Variants in CNTNAP4 observed in about 807,000 individuals in gnomAD.
The protein encoded by CNTNAP4 is contactin-associated protein-like 4.
In CNTNAP4, 98 loss-of-function variants were observed where a neutral mutation model predicts 148.4. The ratio of observed to expected loss-of-function variants is 0.66; its 90% CI spans 0.56 to 0.78. The LOEUF (loss-of-function observed/expected upper bound fraction) is 0.78. Among genes scored for constraint, CNTNAP4 ranks in the 30% least tolerant of loss-of-function variants. CNTNAP4 has a pLI of 0.00. For synonymous variants in CNTNAP4, 730 were observed against 565.1 expected (o/e 1.29, Z -4.14); for missense variants, 1,935 against 1,565.6 (o/e 1.24, Z -3.98).
intron 4 of CNTNAP4, among the ~76,000 whole-genome samples, chr16:76,443,545 T>G (rs2080123469): frequency 1.3e-5 from 2 of 152,106 alleles, no homozygotes; most frequent in South Asian, 4.1e-4. Context: ...GAGCTGAGAT[T>G]ATGCCATTGC....
At chr16:76,304,574 TC>T (rs1960288807) in intron 1 of CNTNAP4, among the ~76,000 whole-genome samples, 2 of 152,172 alleles carry the variant, frequency 1.3e-5, no homozygotes, top group South Asian at 4.1e-4. Flanking sequence ...GGGATAATCT[TC>T]CAAGTGACTT....
chr16:76,468,498 AT>A (rs992078882), intron 10 of CNTNAP4, among the ~76,000 whole-genome samples: 1 of 149,774 alleles, frequency 6.7e-6, no homozygotes, highest in Non-Finnish European at 1.5e-5. Flanking sequence ...AATAAATAAT[AT>A]TTTTTTGAGA....
intron 21 of CNTNAP4, among the ~76,000 whole-genome samples, chr16:76,551,355 G>A (rs1334386554): frequency 6.6e-6 from 1 of 151,152 alleles, no homozygotes; most frequent in Non-Finnish European, 1.5e-5. Flanking sequence ...CTGAGATCGT[G>A]CCACATCACT....
chr16:76,393,394 G>A (rs1318731127), intron 3 of CNTNAP4, among the ~76,000 whole-genome samples: 1 of 152,170 alleles, frequency 6.6e-6, no homozygotes, highest in Non-Finnish European at 1.5e-5. Context: ...CAGTGACAAT[G>A]ATAGCAACCC....
chr16:76,374,208 A>G (rs1448278715), intron 3 of CNTNAP4, among the ~76,000 whole-genome samples: 1 of 152,206 alleles, frequency 6.6e-6, no homozygotes, highest in African/African-American at 2.4e-5. Context: ...CAGTGAAAAG[A>G]CATCCTCAGG....
chr16:76,299,983 T>C (rs1217806472), intron 1 of CNTNAP4, among the ~76,000 whole-genome samples: 1 of 150,182 alleles, frequency 6.7e-6, no homozygotes, highest in Non-Finnish European at 1.5e-5. Flanking sequence ...CATTGCACAC[T>C]GGGGCCTGTT....
At chr16:76,460,773 A>AAAAAAAAAAAATATATAT in intron 8 of CNTNAP4, among the ~76,000 whole-genome samples, 1 of 57,324 alleles carries the variant, frequency 1.7e-5, no homozygotes, top group Non-Finnish European at 3.3e-5. Flanking sequence ...AAAAAAAAAA[A>AAAAAAAAAAAATATATAT]ATATATATAT....
At chr16:76,416,237 G>T (rs536889743) in intron 3 of CNTNAP4, among the ~76,000 whole-genome samples, 20 of 150,986 alleles carry the variant, frequency 1.3e-4, no homozygotes, top group South Asian at 4.2e-4. Context: ...TGATTTTCTC[G>T]AATGTTTTCC....
rs898529836 is a variant in CNTNAP4 at position 76,542,061 on chromosome 16, CT to C, written c.3442+1272del. ...TTATTCCGTTGATTCAAGTCTTGTC[CT>C]CTGATGTATAATTAACAGATAAGAC... On this transcript the variant is annotated intron_variant, in intron 21 of 23. Transcript: ENST00000611870. Among the ~76,000 whole-genome samples, 126 of 152,184 alleles carry C rather than the reference CT, an allele frequency of 8.3e-4. 1 individual carries two copies. The highest frequency in any genetic ancestry group is 2.7e-3 in the African/African-American group (112 of 41,538).
intron 15 of CNTNAP4, among the ~76,000 whole-genome samples, chr16:76,517,534 A>G (rs2083293756): frequency 6.6e-6 from 1 of 152,216 alleles, no homozygotes; most frequent in Admixed American, 6.5e-5. Flanking sequence ...CGGCATTTCT[A>G]AATTTCATTT....
At chr16:76,434,657 G>T (rs1303525360) in intron 4 of CNTNAP4, among the ~76,000 whole-genome samples, 1 of 152,206 alleles carries the variant, frequency 6.6e-6, no homozygotes, top group East Asian at 1.9e-4. Flanking sequence ...CCAGGGATGT[G>T]ATATTGTTTT....
chr16:76,506,981 ATAG>A (rs1358354512), intron 15 of CNTNAP4, among the ~76,000 whole-genome samples: 2 of 97,748 alleles, frequency 2.0e-5, no homozygotes, highest in African/African-American at 5.1e-5. Context: ...GTTGGACATA[ATAG>A]TAATAAAAAA....
intron 4 of CNTNAP4, among the ~76,000 whole-genome samples, chr16:76,444,230 A>G (rs964865345): frequency 6.6e-6 from 1 of 152,116 alleles, no homozygotes; most frequent in African/African-American, 2.4e-5. Flanking sequence ...GACAGAAGCA[A>G]TTTGCATCTC....
chr16:76,302,904 G>A (rs990406771), intron 1 of CNTNAP4, among the ~76,000 whole-genome samples: 1 of 152,138 alleles, frequency 6.6e-6, no homozygotes, highest in African/African-American at 2.4e-5. Flanking sequence ...TCAGGAGCTG[G>A]AAACATTTGA....
intron 2 of CNTNAP4, among the ~76,000 whole-genome samples, chr16:76,318,476 A>C (rs1597174697): frequency 6.6e-6 from 1 of 151,976 alleles, no homozygotes; most frequent in African/African-American, 2.4e-5. Context: ...TCTCATTTAC[A>C]TGTTAATGAA....
At chr16:76,372,646 C>G (rs553572953) in intron 3 of CNTNAP4, among the ~76,000 whole-genome samples, 149 of 152,242 alleles carry the variant, frequency 9.8e-4, no homozygotes, top group African/African-American at 3.3e-3. Context: ...TTTTCTGCCA[C>G]CATGTAAGAC....
chr16:76,464,819 C>A (rs2081119582), intron 9 of CNTNAP4, among the ~76,000 whole-genome samples: 1 of 152,132 alleles, frequency 6.6e-6, no homozygotes, highest in African/African-American at 2.4e-5. Context: ...TTTTTTCCAC[C>A]CTCAAACAGG....
At chr16:76,476,444 G>C (rs1336134166) in intron 11 of CNTNAP4, among the ~76,000 whole-genome samples, 5 of 152,180 alleles carry the variant, frequency 3.3e-5, no homozygotes, top group Admixed American at 3.3e-4. Context: ...AAACAGCCCT[G>C]GTTGGAGTGG....
chr16:76,452,806 T>A (rs771995775), intron 8 of CNTNAP4, 37 bp downstream of exon 8: 6 of 1,482,124 alleles, frequency 4.0e-6, no homozygotes, highest in Non-Finnish European at 4.5e-6. Context: ...GCATATGGAT[T>A]TGAAAGATTT....
Sources: allele counts gnomAD v4.1 joint callset (sites outside exome capture counted in the v4.1 genomes callset), GRCh38; gene constraint gnomAD v4.1.1; transcripts MANE v1.5; gene names NCBI Gene and HGNC (gene_info 2026-07-23, HGNC 2026-07-21).